The following ADD3 variants were observed in gnomAD, a reference collection of about 807,000 sequenced individuals.
ADD3 encodes the protein gamma-adducin.
A neutral mutation model predicts 80.2 loss-of-function variants in ADD3; 25 were observed. The ratio of observed to expected loss-of-function variants is 0.31; its 90% CI spans 0.23 to 0.44. ADD3 has a LOEUF of 0.44. ADD3 is among the 20% of genes least tolerant of loss of function. The pLI is 1.00. For synonymous variants in ADD3, 284 were observed against 289.6 expected (o/e 0.98, Z 0.20); for missense variants, 829 against 847.5 (o/e 0.98, Z 0.27).
Position 110,133,648 on chromosome 10 carries a change from C to A in ADD3, c.*30C>A. The A allele has an allele frequency of 2.0e-6, 3 of 1,476,758 alleles. No individual in the cohort carries two copies. The highest frequency in any genetic ancestry group is 1.3e-5 in the South Asian group (1 of 75,486). 91.5% of individuals were successfully genotyped at this position (1,476,758 alleles called of 1,614,324 possible). ...AGTCTTTTTATAATTATTATTATAA[C>A]AATGTGACATTGCACATCTAAATAC... On this transcript the variant is annotated 3_prime_UTR_variant, in exon 15 of 15. Coordinates refer to ENST00000356080, the MANE Select transcript of ADD3 (RefSeq NM_016824.5).
At chr10:110,007,056 A>G (rs1381303071), upstream of ADD3, among the ~76,000 whole-genome samples, 3 of 151,646 alleles carry the variant, frequency 2.0e-5, no homozygotes, top group East Asian at 5.8e-4. Context: ...GATGAGAAAC[A>G]TGTCTGGGCG....
intron 14 of ADD3, chr10:110,132,615 C>A: frequency 2.0e-6 from 1 of 496,450 alleles, no homozygotes; most frequent in South Asian, 2.5e-5. Flanking sequence ...TGAATTTTGG[C>A]AACCCGCAGT....
At chr10:110,117,079 A>G (rs1347470013) in intron 4 of ADD3, among the ~76,000 whole-genome samples, 2 of 152,214 alleles carry the variant, frequency 1.3e-5, no homozygotes, top group Non-Finnish European at 2.9e-5. Context: ...TTTCATGAAC[A>G]TAGCTGACCC....
At chr10:110,126,912 T>C (rs1190266718) in intron 12 of ADD3, among the ~76,000 whole-genome samples, 1 of 152,230 alleles carries the variant, frequency 6.6e-6, no homozygotes, top group Admixed American at 6.5e-5. Context: ...CCTTGACTAT[T>C]TTTCATCAAA....
chr10:110,051,512 G>C (rs1378149011), intron 1 of ADD3, among the ~76,000 whole-genome samples: 1 of 152,144 alleles, frequency 6.6e-6, no homozygotes, highest in Non-Finnish European at 1.5e-5. Context: ...CTATATGCCT[G>C]TTATAGGGAA....
intron 2 of ADD3, among the ~76,000 whole-genome samples, chr10:110,108,534 T>C (rs868065011): frequency 6.6e-6 from 1 of 152,168 alleles, no homozygotes; most frequent in Non-Finnish European, 1.5e-5. Flanking sequence ...CATTGAACTT[T>C]AGTAAAAATA....
chr10:110,047,582 G>A (rs908197388), intron 1 of ADD3, among the ~76,000 whole-genome samples: 2 of 152,132 alleles, frequency 1.3e-5, no homozygotes, highest in African/African-American at 4.8e-5. Flanking sequence ...GAAAATTTGT[G>A]CAGATACTAT....
rs1266092707 is a variant in ADD3, at chr10:110,116,334, C to T, written c.410C>T (p.Thr137Ile). The change falls in exon 4 of 15, where the codon ACT (threonine) becomes ATT (isoleucine). Residue 137 changes from threonine to isoleucine, a missense_variant. Physicochemically the swap from Thr to Ile is moderately conservative, Grantham distance 89. Transcript: ENST00000356080. ...TSSYVKGEKLTRCKLASLYRL... is the reference protein window; with the variant it reads ...TSSYVKGEKLIRCKLASLYRL... ...TCATATGTGAAGGGAGAAAAACTTACTCGCTGTAAACTTGCCAGCCTGTAC... is the reference window on the plus strand; with the variant it reads ...TCATATGTGAAGGGAGAAAAACTTATTCGCTGTAAACTTGCCAGCCTGTAC... 2 of 1,614,056 alleles carry T rather than the reference C, an allele frequency of 1.2e-6. No individual in the cohort carries two copies. The highest frequency in any genetic ancestry group is 1.7e-5 in the Admixed American group (1 of 60,008).
chr10:110,029,151 T>C (rs1304265650), intron 1 of ADD3, among the ~76,000 whole-genome samples: 4 of 152,234 alleles, frequency 2.6e-5, no homozygotes, highest in Non-Finnish European at 5.9e-5. Context: ...AGTGCTGAGA[T>C]TATCGGCGTG....
In ADD3 at chr10:110,129,098, C is replaced by T. The variant is rs1256914724; in HGVS notation, c.1609-1265C>T. Among the ~76,000 whole-genome samples, 6 of 151,876 alleles carry T rather than the reference C, an allele frequency of 4.0e-5. No individual in the cohort carries two copies. The East Asian group carries it at 1.2e-3, about 29-fold the overall frequency. ...CAGTTTCCAACCATCATTCTAGGAG[C>T]CTGCAACTGTATTTTGTGTCCCCTA... On this transcript the variant is annotated intron_variant, in intron 12 of 14. Coordinates refer to ENST00000356080, the MANE Select transcript of ADD3 (RefSeq NM_016824.5).
Position 110,130,358 on chromosome 10 carries a change from G to C in ADD3, c.1609-5G>C. On this transcript the variant is annotated splice_polypyrimidine_tract_variant and splice_region_variant and intron_variant, in intron 12 of 14. Coordinates refer to ENST00000356080, the MANE Select transcript of ADD3 (RefSeq NM_016824.5). ...ATGAATCGATTTTTATTTTTTCTTT[G>C]TAAGACTATGCAATTTGAAGATGAT... is the stretch of plus-strand genomic sequence containing the variant. 6.2e-7 allele frequency: 1 copy of C among 1,612,280 alleles called. No individual in the cohort carries two copies.
At chr10:110,049,381 C>G (rs1857244882) in intron 1 of ADD3, among the ~76,000 whole-genome samples, 1 of 152,200 alleles carries the variant, frequency 6.6e-6, no homozygotes, top group East Asian at 1.9e-4. Context: ...CCACTGTCCT[C>G]TAGACCCCAG....
intron 1 of ADD3, among the ~76,000 whole-genome samples, chr10:109,999,275 T>A (rs975429386): frequency 5.3e-5 from 8 of 152,244 alleles, no homozygotes; most frequent in Admixed American, 3.3e-4. Context: ...CCATGTTCAA[T>A]GAGGAGACCT....
At chr10:110,131,044 A>T (rs1165860479) in intron 13 of ADD3, among the ~76,000 whole-genome samples, 2 of 152,298 alleles carry the variant, frequency 1.3e-5, no homozygotes, top group African/African-American at 2.4e-5. Flanking sequence ...ATAATTACAG[A>T]TTCATAAGTA....
At chr10:110,098,066 C>T (rs376546865) in intron 1 of ADD3, among the ~76,000 whole-genome samples, 12 of 152,240 alleles carry the variant, frequency 7.9e-5, no homozygotes, top group Middle Eastern at 3.4e-3. Flanking sequence ...TAAGCTACCG[C>T]GCCCAGCCTA....
At chr10:110,070,503 C>T (rs1844536674) in intron 1 of ADD3, among the ~76,000 whole-genome samples, 2 of 152,134 alleles carry the variant, frequency 1.3e-5, no homozygotes, top group South Asian at 2.1e-4. Flanking sequence ...CTGTAGGTTG[C>T]AGAGAATAAA....
rs774256939 is a variant in ADD3, at chr10:110,106,593, A to G, written c.195+5745A>G. Among the ~76,000 whole-genome samples, 33 of 152,224 alleles carry G rather than the reference A, an allele frequency of 2.2e-4. No homozygotes were observed. The Middle Eastern group carries it at 0.01, about 47-fold the overall frequency. On this transcript the variant is annotated intron_variant, in intron 2 of 14. Transcript: ENST00000356080. Reference sequence around the variant, plus strand: ...AGTCCATTTATGTCCATACTTTATGAATTCAAAGTTTATAGCCTCACTCCC... The same window carrying G: ...AGTCCATTTATGTCCATACTTTATGGATTCAAAGTTTATAGCCTCACTCCC...
intron 13 of ADD3, among the ~76,000 whole-genome samples, chr10:110,131,940 C>G (rs548795944): frequency 2.2e-4 from 34 of 152,284 alleles, no homozygotes; most frequent in Non-Finnish European, 3.2e-4. Context: ...AGCATTCTGC[C>G]TCATTAATGT....
At chr10:110,126,738 TCTCA>T (rs1852208476) in intron 12 of ADD3, among the ~76,000 whole-genome samples, 2 of 152,144 alleles carry the variant, frequency 1.3e-5, no homozygotes. Context: ...TGAGATGAGG[TCTCA>T]CTCTGTTGCC....
Sources: gnomAD v4.1 joint callset for allele counts (sites outside exome capture counted in the v4.1 genomes callset) on GRCh38, gnomAD v4.1.1 for gene constraint, MANE v1.5 for transcripts, NCBI Gene and HGNC (gene_info 2026-07-23, HGNC 2026-07-21) for gene names.